The following SHISA9 variants were observed in gnomAD, a reference collection of about 807,000 sequenced individuals.
The protein encoded by SHISA9 is shisa family member 9.
A neutral mutation model predicts 38.0 loss-of-function variants in SHISA9; 13 were observed. The ratio of observed to expected loss-of-function variants is 0.34; its 90% CI spans 0.22 to 0.54. The LOEUF is 0.54. Among genes scored for constraint, SHISA9 ranks in the 20% least tolerant of loss-of-function variants. The probability of loss-of-function intolerance (pLI) is 0.91; values close to 1 mark genes in which losing one functional copy is unlikely to be tolerated. For synonymous variants in SHISA9, 275 were observed against 242.0 expected (o/e 1.14, Z -1.27); for missense variants, 538 against 575.8 (o/e 0.93, Z 0.67).
intron 2 of SHISA9, among the ~76,000 whole-genome samples, chr16:13,019,882 CCCTT>C (rs1186871545): frequency 0.057 from 1,152 of 20,160 alleles, 139 homozygotes; most frequent in Admixed American, 0.075. Flanking sequence ...CTCCCTCCCT[CCCTT>C]CTTTCTTTCT....
At chr16:13,015,384 A>T (rs970613116) in intron 2 of SHISA9, among the ~76,000 whole-genome samples, 1 of 152,230 alleles carries the variant, frequency 6.6e-6, no homozygotes, top group East Asian at 1.9e-4. Flanking sequence ...TTGAAAGGCA[A>T]TGCTGCCATT....
chr16:13,222,691 A>G (rs1028457115), intron 4 of SHISA9, among the ~76,000 whole-genome samples: 1 of 152,076 alleles, frequency 6.6e-6, no homozygotes, highest in Non-Finnish European at 1.5e-5. Flanking sequence ...ATGGGAATGT[A>G]CATTTCAGGA....
the SHISA9 span, among the ~76,000 whole-genome samples, chr16:13,538,177 T>C: frequency 6.6e-6 from 1 of 152,150 alleles, no homozygotes; most frequent in Admixed American, 6.5e-5. Flanking sequence ...GGCTTTAGCA[T>C]GGGCTTGGAA....
At chr16:13,179,320 AAAAAC>A (rs139437324) in intron 2 of SHISA9, among the ~76,000 whole-genome samples, 11,752 of 152,154 alleles carry the variant, frequency 0.077, 604 homozygotes, top group Non-Finnish European at 0.12. Flanking sequence ...TCAATAAAAC[AAAAAC>A]AAAACAAAAC....
the SHISA9 span, among the ~76,000 whole-genome samples, chr16:13,526,610 C>T: frequency 1.3e-5 from 2 of 151,934 alleles, no homozygotes; most frequent in African/African-American, 2.4e-5. Context: ...GGTCTCGAAC[C>T]CCTGATCTCA....
At chr16:13,259,301 G>A in the SHISA9 span, among the ~76,000 whole-genome samples, 1 of 152,160 alleles carries the variant, frequency 6.6e-6, no homozygotes, top group African/African-American at 2.4e-5. Flanking sequence ...GTCTTGGGCA[G>A]CTTTGCCCCT....
chr16:13,462,995 A>T, the SHISA9 span, among the ~76,000 whole-genome samples: 1 of 151,298 alleles, frequency 6.6e-6, no homozygotes, highest in African/African-American at 2.4e-5. Flanking sequence ...AAAAAATAAA[A>T]ATACAAAAAA....
the SHISA9 span, among the ~76,000 whole-genome samples, chr16:13,332,843 C>T: frequency 6.6e-6 from 1 of 152,192 alleles, no homozygotes; most frequent in East Asian, 1.9e-4. Flanking sequence ...GTTACTCATG[C>T]CTTCTCCATC....
chr16:13,410,438 T>C, the SHISA9 span, among the ~76,000 whole-genome samples: 4 of 152,138 alleles, frequency 2.6e-5, no homozygotes, highest in Non-Finnish European at 5.9e-5. Flanking sequence ...TGATACGTCA[T>C]GTATTTATTT....
At chr16:13,534,565 G>T in the SHISA9 span, among the ~76,000 whole-genome samples, 1 of 152,124 alleles carries the variant, frequency 6.6e-6, no homozygotes, top group African/African-American at 2.4e-5. Context: ...TAACTTCCAA[G>T]TTGCCAAAAT....
At chr16:13,388,435 C>T in the SHISA9 span, among the ~76,000 whole-genome samples, 1 of 151,900 alleles carries the variant, frequency 6.6e-6, no homozygotes, top group Admixed American at 6.6e-5. Flanking sequence ...CCTCAGCTTC[C>T]TGAGTAGCTG....
At chr16:13,440,336 T>C in the SHISA9 span, among the ~76,000 whole-genome samples, 3 of 152,262 alleles carry the variant, frequency 2.0e-5, no homozygotes, top group South Asian at 2.1e-4. Context: ...TCTGCTTTTC[T>C]CTTTGGCTTT....
rs1349865687 is a variant in SHISA9 at position 12,970,411 on chromosome 16, A to G, written c.691+53596A>G. ...TATGTATATATATATATACATATAT[A>G]TATATACACATATATGTATATATAT... On this transcript the variant is annotated intron_variant, in intron 2 of 4. Transcript: ENST00000558583. Among the ~76,000 whole-genome samples, 11 of 13,666 alleles carry G rather than the reference A, an allele frequency of 8.0e-4. 1 individual carries two copies. The highest frequency in any genetic ancestry group is 3.8e-3 in the South Asian group (1 of 264). 9.0% of individuals were successfully genotyped at this position (13,666 alleles called of 152,430 possible).
chr16:13,106,599 T>C lies in SHISA9; in HGVS notation c.692-96795T>C, dbSNP rs140823374. Reference sequence around the variant, plus strand: ...GCAGTTTAGATAGGGTTTACCTTAATCTCCAGCTCCAAGGAGAGAAGACCT... The same window carrying C: ...GCAGTTTAGATAGGGTTTACCTTAACCTCCAGCTCCAAGGAGAGAAGACCT... On this transcript the variant is annotated intron_variant, in intron 2 of 4. Coordinates refer to ENST00000558583, the MANE Select transcript of SHISA9 (RefSeq NM_001145204.3). Among the ~76,000 whole-genome samples the C allele has an allele frequency of 1.3e-4, 20 of 152,276 alleles. 1 individual carries two copies. The highest frequency in any genetic ancestry group is 4.3e-4 in the African/African-American group (18 of 41,554).
rs147835486 is a variant in SHISA9 at position 13,075,838 on chromosome 16, G to A, written c.692-127556G>A. Reference sequence around the variant, plus strand: ...ACTCAGTGTTTCTTATCTAGATACTGTTGGCATTCGGGGCCAGATGATTCT... The same window carrying A: ...ACTCAGTGTTTCTTATCTAGATACTATTGGCATTCGGGGCCAGATGATTCT... On this transcript the variant is annotated intron_variant, in intron 2 of 4. Transcript: ENST00000558583. Among the ~76,000 whole-genome samples, 209 of 152,204 alleles carry A rather than the reference G, an allele frequency of 1.4e-3. 4 individuals are homozygous for A. Among genetic ancestry groups the A allele is most frequent in the Middle Eastern group, 6.8e-3 (2 of 294 alleles).
intron 2 of SHISA9, among the ~76,000 whole-genome samples, chr16:13,123,699 GA>G (rs1248001731): frequency 6.6e-6 from 1 of 152,194 alleles, no homozygotes; most frequent in Non-Finnish European, 1.5e-5. Flanking sequence ...ACCTCTATGG[GA>G]AGCAGCCCAG....
chr16:13,367,681 T>G, the SHISA9 span, among the ~76,000 whole-genome samples: 1 of 141,710 alleles, frequency 7.1e-6, no homozygotes, highest in Non-Finnish European at 1.5e-5. Context: ...TTTCCTGAAG[T>G]GTACACGCGT....
intron 2 of SHISA9, among the ~76,000 whole-genome samples, chr16:13,160,105 T>A (rs952093945): frequency 1.3e-4 from 20 of 152,284 alleles, no homozygotes; most frequent in African/African-American, 4.8e-4. Context: ...TGGAGGTCAA[T>A]GAGGTGCCTT....
chr16:13,231,991 A>G (rs1456013613), intron 4 of SHISA9, among the ~76,000 whole-genome samples: 1 of 152,196 alleles, frequency 6.6e-6, no homozygotes, highest in Non-Finnish European at 1.5e-5. Context: ...TTCCACCTTC[A>G]TTGTTGAAAG....
Sources: allele counts gnomAD v4.1 joint callset (sites outside exome capture counted in the v4.1 genomes callset), GRCh38; gene constraint gnomAD v4.1.1; transcripts MANE v1.5; gene names NCBI Gene and HGNC (gene_info 2026-07-23, HGNC 2026-07-21).